Variants in EPHA3 observed in about 807,000 individuals in gnomAD.
EPHA3 encodes the protein EPH receptor A3.
A neutral mutation model predicts 107.1 loss-of-function variants in EPHA3; 42 were observed. The ratio of observed to expected loss-of-function variants is 0.39; its 90% CI spans 0.31 to 0.51. The LOEUF is 0.51. Ranked by LOEUF, EPHA3 falls within the 20% of genes least tolerant of loss-of-function variation. The probability of loss-of-function intolerance (pLI) is 0.78; values close to 1 mark genes in which losing one functional copy is unlikely to be tolerated. For synonymous variants in EPHA3, 461 were observed against 424.8 expected (o/e 1.09, Z -1.05); for missense variants, 1,183 against 1,211.2 (o/e 0.98, Z 0.35).
rs371462790 is a variant in EPHA3 at position 89,407,322 on chromosome 3, G to T, written c.1648G>T (p.Ala550Ser). ...SQVVMIAISA[A>S]VAIILLTVVI... ...AGTGGTCATGATCGCCATTTCAGCG[G>T]CAGTAGCAATTATTCTCCTCACTGT... The change falls in exon 8 of 17, where the codon GCA (alanine) becomes TCA (serine). Residue 550 changes from alanine (A) to serine (S), a missense_variant. Ala to Ser is a moderately conservative substitution (Grantham distance 99). Coordinates refer to ENST00000336596, the MANE Select transcript of EPHA3 (RefSeq NM_005233.6). The T allele has an allele frequency of 6.2e-7, 1 of 1,613,572 alleles. No individual in the cohort carries two copies. The highest frequency in any genetic ancestry group is 8.5e-7 in the Non-Finnish European group (1 of 1,179,646).
At chr3:89,297,449 G>A (rs1706381733) in intron 3 of EPHA3, among the ~76,000 whole-genome samples, 1 of 152,146 alleles carries the variant, frequency 6.6e-6, no homozygotes, top group South Asian at 2.1e-4. Context: ...GAATGGAGCA[G>A]ACAATATTTA....
chr3:89,200,416 A>G (rs1423717266), intron 2 of EPHA3, among the ~76,000 whole-genome samples: 3 of 152,220 alleles, frequency 2.0e-5, no homozygotes, highest in Non-Finnish European at 4.4e-5. Flanking sequence ...GCATCTCTTT[A>G]TAATCTTTTT....
At chr3:89,474,631 A>G (rs1051983363) in intron 16 of EPHA3, among the ~76,000 whole-genome samples, 2 of 152,228 alleles carry the variant, frequency 1.3e-5, no homozygotes, top group African/African-American at 4.8e-5. Context: ...ATATTGAAAC[A>G]CTATATTGAA....
At chr3:89,307,507 G>A (rs376843741) in intron 3 of EPHA3, among the ~76,000 whole-genome samples, 137 of 152,200 alleles carry the variant, frequency 9.0e-4, no homozygotes, top group African/African-American at 3.2e-3. Context: ...TGTCTAAATG[G>A]TATATATATG....
intron 13 of EPHA3, among the ~76,000 whole-genome samples, chr3:89,440,720 C>T (rs934771636): frequency 6.6e-6 from 1 of 152,210 alleles, no homozygotes; most frequent in Non-Finnish European, 1.5e-5. Flanking sequence ...GTTTTAGACT[C>T]TCAACTAATC....
intron 5 of EPHA3, among the ~76,000 whole-genome samples, chr3:89,371,827 T>G (rs116069259): frequency 6.5e-4 from 98 of 151,720 alleles, no homozygotes; most frequent in Non-Finnish European, 1.2e-3. Context: ...AAATCTTTCA[T>G]ATCCTAGTCA....
At chr3:89,132,490 G>A (rs986222123) in intron 2 of EPHA3, among the ~76,000 whole-genome samples, 1 of 152,140 alleles carries the variant, frequency 6.6e-6, no homozygotes, top group Non-Finnish European at 1.5e-5. Flanking sequence ...TAATAGAGTA[G>A]TAAAACAGGT....
intron 3 of EPHA3, among the ~76,000 whole-genome samples, chr3:89,310,968 A>G (rs113918624): frequency 2.6e-4 from 40 of 152,074 alleles, no homozygotes; most frequent in African/African-American, 9.4e-4. Context: ...TGACTCTGCC[A>G]TTTCCTAACT....
At position 89,228,789 on chromosome 3, in the gene EPHA3, G is replaced by A. The variant is rs538111641; in HGVS notation, c.814+18269G>A. 2.6e-5 allele frequency among the ~76,000 whole-genome samples: 4 copies of A among 151,928 alleles called. No individual in the cohort carries two copies. The South Asian group carries it at 8.3e-4, about 31-fold the overall frequency. On this transcript the variant is annotated intron_variant, in intron 3 of 16. Transcript: ENST00000336596. ...AACATACACTTGATATTGATAACCA[G>A]GAACGTAAACATTTTTTTAAAAGTT...
At chr3:89,164,087 G>A (rs1294626133) in intron 2 of EPHA3, among the ~76,000 whole-genome samples, 1 of 152,122 alleles carries the variant, frequency 6.6e-6, no homozygotes, top group African/African-American at 2.4e-5. Flanking sequence ...TCAGACAGAG[G>A]TAGCGTTTCA....
chr3:89,195,917 T>C (rs994136279), intron 2 of EPHA3, among the ~76,000 whole-genome samples: 6 of 152,166 alleles, frequency 3.9e-5, no homozygotes, highest in African/African-American at 1.4e-4. Flanking sequence ...CCCACTGTTC[T>C]AATTTTCTAC....
intron 5 of EPHA3, among the ~76,000 whole-genome samples, chr3:89,352,164 A>T (rs1226864972): frequency 6.6e-6 from 1 of 151,316 alleles, no homozygotes; most frequent in African/African-American, 2.4e-5. Context: ...AGGAATTCCT[A>T]TCCTCTGCTT....
intron 3 of EPHA3, among the ~76,000 whole-genome samples, chr3:89,230,825 C>T (rs1704614148): frequency 1.1e-5 from 1 of 92,276 alleles, no homozygotes; most frequent in Non-Finnish European, 2.0e-5. Context: ...CTCTCTCTCT[C>T]ACACACACAC....
At chr3:89,229,896 G>A (rs1418726250) in intron 3 of EPHA3, among the ~76,000 whole-genome samples, 1 of 151,870 alleles carries the variant, frequency 6.6e-6, no homozygotes, top group African/African-American at 2.4e-5. Flanking sequence ...GATTCCATTG[G>A]GTGCATTTAG....
intron 13 of EPHA3, among the ~76,000 whole-genome samples, chr3:89,445,562 C>T (rs1000543477): frequency 2.6e-5 from 4 of 152,136 alleles, no homozygotes; most frequent in Admixed American, 6.6e-5. Context: ...ACCCTGGTTT[C>T]ATTGTTGAAC....
At chr3:89,179,706 G>A (rs1420548307) in intron 2 of EPHA3, among the ~76,000 whole-genome samples, 2 of 149,836 alleles carry the variant, frequency 1.3e-5, no homozygotes, top group Non-Finnish European at 3.0e-5. Flanking sequence ...TGTGGACAAT[G>A]AAATCCTTGT....
At chr3:89,329,241 C>A (rs1044551411) in intron 3 of EPHA3, among the ~76,000 whole-genome samples, 5 of 152,010 alleles carry the variant, frequency 3.3e-5, no homozygotes, top group African/African-American at 1.2e-4. Flanking sequence ...ACAAACACAA[C>A]AATTCTCTCT....
intron 3 of EPHA3, among the ~76,000 whole-genome samples, chr3:89,272,046 T>G (rs1705681720): frequency 6.6e-6 from 1 of 152,058 alleles, no homozygotes. Flanking sequence ...TTTTCTCTAG[T>G]TTACTTTATT....
intron 2 of EPHA3, among the ~76,000 whole-genome samples, chr3:89,201,361 C>T (rs181592722): frequency 1.3e-5 from 2 of 151,756 alleles, no homozygotes; most frequent in African/African-American, 4.8e-5. Flanking sequence ...GGACACAGAG[C>T]CAACGGTTAG....
Sources: allele counts gnomAD v4.1 joint callset (sites outside exome capture counted in the v4.1 genomes callset), GRCh38; gene constraint gnomAD v4.1.1; transcripts MANE v1.5; gene names NCBI Gene and HGNC (gene_info 2026-07-23, HGNC 2026-07-21).